P2RY10: variants seen among roughly 807,000 people sequenced by gnomAD.
The protein encoded by P2RY10 is putative P2Y purinoceptor 10.
Under a neutral mutation model 12.1 loss-of-function variants are expected in P2RY10, and 4 were observed. That is an observed-to-expected ratio of 0.33 (90% confidence interval 0.16 to 0.76). The LOEUF (loss-of-function observed/expected upper bound fraction) is 0.76. Among genes scored for constraint, P2RY10 ranks in the 30% least tolerant of loss-of-function variants. P2RY10 has a pLI of 0.61. For synonymous variants in P2RY10, 112 were observed against 94.1 expected (o/e 1.19, Z -1.10); for missense variants, 233 against 264.6 (o/e 0.88, Z 0.83).
At chrX:78,948,096 C>T (rs1164894021) in intron 2 of P2RY10, among the ~76,000 whole-genome samples, 1 of 112,127 alleles carries the variant, frequency 8.9e-6, no homozygotes, top group African/African-American at 3.2e-5. Flanking sequence ...TGACATTTTC[C>T]AAGTACTAAG....
rs1335826280 is a variant in P2RY10, at chrX:78,963,631, C to G, written c.*2091C>G. Among the ~76,000 whole-genome samples, 1 of 112,172 alleles carries G rather than the reference C, an allele frequency of 8.9e-6. No homozygotes were observed. The highest frequency in any genetic ancestry group is 1.9e-5 in the Non-Finnish European group (1 of 53,189). On this transcript the variant is annotated 3_prime_UTR_variant, in exon 4 of 4. Coordinates refer to ENST00000171757, the MANE Select transcript of P2RY10 (RefSeq NM_014499.4). ...ACAACATGCTTTTTATTTTGACTAC[C>G]ATTTAAGTGGAATCTTTGAACTTTT...
At chrX:78,947,087 C>A (rs963365690) in intron 1 of P2RY10, among the ~76,000 whole-genome samples, 1 of 110,367 alleles carries the variant, frequency 9.1e-6, no homozygotes, top group Non-Finnish European at 1.9e-5. Flanking sequence ...CAGTGGCAGG[C>A]GCCTGTAATC....
At position 78,961,832 on chromosome X, in the gene P2RY10, C is replaced by T. The variant is rs186159911; in HGVS notation, c.*292C>T. 1.7e-4 allele frequency: 37 copies of T among 218,161 alleles called. No homozygotes were observed. Among genetic ancestry groups the T allele is most frequent in the African/African-American group, 1.0e-3 (34 of 33,934 alleles). The allele number at this position is 218,161 out of a possible 1,213,427, so 18.0% of individuals were successfully genotyped here. On this transcript the variant is annotated 3_prime_UTR_variant, in exon 4 of 4. Transcript: ENST00000171757. ...ATGTAAATAAAAGTTGAATAGTTTACCTTAAATTTTTTTCAATAAGTAAGT... is the reference window on the plus strand; with the variant it reads ...ATGTAAATAAAAGTTGAATAGTTTATCTTAAATTTTTTTCAATAAGTAAGT...
intron 3 of P2RY10, among the ~76,000 whole-genome samples, chrX:78,955,642 T>C (rs1922302392): frequency 8.9e-6 from 1 of 112,307 alleles, no homozygotes; most frequent in Non-Finnish European, 1.9e-5. Flanking sequence ...GAGAAAAGCA[T>C]AGAATGGGGA....
At chrX:78,952,682 G>T (rs1416027454) in intron 3 of P2RY10, among the ~76,000 whole-genome samples, 1 of 111,626 alleles carries the variant, frequency 9.0e-6, no homozygotes, top group Non-Finnish European at 1.9e-5. Flanking sequence ...CAATGAAAGA[G>T]AATCCTGAGG....
At chrX:78,949,717 C>T (rs916487932) in intron 2 of P2RY10, among the ~76,000 whole-genome samples, 13 of 112,175 alleles carry the variant, frequency 1.2e-4, no homozygotes, top group Non-Finnish European at 1.1e-4. Flanking sequence ...CTTCCTCTAA[C>T]AGAAGAAAAT....
In P2RY10 at chrX:78,962,575, T is replaced by G. The variant is rs917563269; in HGVS notation, c.*1035T>G. The stretch of plus-strand genomic sequence containing the variant: ...TTTCAACATGGTTTGCCTGGAATTC[T>G]CCAAAAAACCTGTGGGTTGTGGGTT... On this transcript the variant is annotated 3_prime_UTR_variant, in exon 4 of 4. Transcript: ENST00000171757. 5.4e-5 allele frequency among the ~76,000 whole-genome samples: 6 copies of G among 112,023 alleles called. No homozygotes were observed. Among genetic ancestry groups the G allele is most frequent in the African/African-American group, 1.9e-4 (6 of 30,792 alleles).
In P2RY10 at chrX:78,963,619, TATTTTGACTACC is replaced by T. The variant is rs1922741037; in HGVS notation, c.*2084_*2095del. Reference sequence around the variant, plus strand: ...TTGGCAAATTAAACAACATGCTTTTTATTTTGACTACCATTTAAGTGGAATCTTTGAACTTTT... The same window carrying T: ...TTGGCAAATTAAACAACATGCTTTTTATTTAAGTGGAATCTTTGAACTTTT... On this transcript the variant is annotated 3_prime_UTR_variant, in exon 4 of 4. Transcript: ENST00000171757. Among the ~76,000 whole-genome samples, 1 of 112,866 alleles carries T rather than the reference TATTTTGACTACC, an allele frequency of 8.9e-6. No individual in the cohort carries two copies. The highest frequency in any genetic ancestry group is 2.8e-4 in the East Asian group (1 of 3,627).
Position 78,963,599 on chromosome X carries a change from A to G in P2RY10, c.*2059A>G, listed in dbSNP as rs1922740196. On this transcript the variant is annotated 3_prime_UTR_variant, in exon 4 of 4. Coordinates refer to ENST00000171757, the MANE Select transcript of P2RY10 (RefSeq NM_014499.4). The stretch of plus-strand genomic sequence containing the variant: ...GCACAGGATTTATGGAATAGTTGGC[A>G]AATTAAACAACATGCTTTTTATTTT... Among the ~76,000 whole-genome samples the G allele has an allele frequency of 8.9e-6, 1 of 112,864 alleles. No homozygotes were observed.
intron 1 of P2RY10, among the ~76,000 whole-genome samples, 177 bp downstream of exon 1, chrX:78,945,672 A>T (rs1416505811): frequency 2.7e-5 from 3 of 111,870 alleles, no homozygotes; most frequent in Non-Finnish European, 3.8e-5. Context: ...GTTTGACCAG[A>T]GTCCAAAGTT....
At chrX:78,946,932 C>T (rs1921865760) in intron 1 of P2RY10, among the ~76,000 whole-genome samples, 1 of 111,945 alleles carries the variant, frequency 8.9e-6, no homozygotes, top group Non-Finnish European at 1.9e-5. Flanking sequence ...ACAGGCCAGC[C>T]TGCTGGGCTT....
rs181238057 is a variant in P2RY10, at chrX:78,952,246, C to A, written c.-103C>A. ...CAGGATTTGGCACTCACCAACATAC[C>A]CTTCTTTCAAGTGAAAAGGCATCTC... On this transcript the variant is annotated 5_prime_UTR_variant, in exon 3 of 4. Coordinates refer to ENST00000171757, the MANE Select transcript of P2RY10 (RefSeq NM_014499.4). The A allele has an allele frequency of 1.6e-5, 12 of 744,999 alleles. No homozygotes were observed. Among genetic ancestry groups the A allele is most frequent in the Non-Finnish European group, 1.9e-5 (12 of 632,321 alleles). The allele number at this position is 744,999 out of a possible 1,213,427, so 61.4% of individuals were successfully genotyped here.
chrX:78,961,809 G>T lies in P2RY10; in HGVS notation c.*269G>T, dbSNP rs1429183581. The T allele has an allele frequency of 3.9e-6, 1 of 255,204 alleles. No individual in the cohort carries two copies. Among genetic ancestry groups the T allele is most frequent in the Non-Finnish European group, 7.2e-6 (1 of 138,917 alleles). The allele number at this position is 255,204 out of a possible 1,213,427, so 21.0% of individuals were successfully genotyped here. Reference sequence around the variant, plus strand: ...AAACCTAGATCAAGTTTTTACAGATGTAAATAAAAGTTGAATAGTTTACCT... The same window carrying T: ...AAACCTAGATCAAGTTTTTACAGATTTAAATAAAAGTTGAATAGTTTACCT... On this transcript the variant is annotated 3_prime_UTR_variant, in exon 4 of 4. Coordinates refer to ENST00000171757, the MANE Select transcript of P2RY10 (RefSeq NM_014499.4).
chrX:78,952,381 G>T, intron 3 of P2RY10, 46 bp downstream of exon 3: 3 of 690,953 alleles, frequency 4.3e-6, no homozygotes, highest in Non-Finnish European at 5.2e-6. Context: ...GGAGGCACTG[G>T]GAATTCTATT....
chrX:78,949,121 T>C (rs1921985867), intron 2 of P2RY10, among the ~76,000 whole-genome samples: 1 of 112,034 alleles, frequency 8.9e-6, no homozygotes, highest in Admixed American at 9.5e-5. Context: ...TGGTTTTAAT[T>C]TGCATTTCTC....
At chrX:78,953,919 T>C (rs374905646) in intron 3 of P2RY10, among the ~76,000 whole-genome samples, 1 of 111,910 alleles carries the variant, frequency 8.9e-6, no homozygotes, top group Admixed American at 9.4e-5. Flanking sequence ...GGCTGGAGTG[T>C]AGTGGTGCAA....
chrX:78,954,868 C>T (rs1207197413), intron 3 of P2RY10, among the ~76,000 whole-genome samples: 1 of 111,620 alleles, frequency 9.0e-6, no homozygotes, highest in Non-Finnish European at 1.9e-5. Context: ...AAGAGATCAA[C>T]TTGACCTCAC....
At chrX:78,953,931 C>G (rs1226170418) in intron 3 of P2RY10, among the ~76,000 whole-genome samples, 5 of 112,019 alleles carry the variant, frequency 4.5e-5, no homozygotes, top group Non-Finnish European at 3.8e-5. Flanking sequence ...GTGGTGCAAT[C>G]TCAACTCACT....
chrX:78,952,073 T>A, intron 2 of P2RY10, 120 bp from the exon 3 acceptor site: 1 of 234,881 alleles, frequency 4.3e-6, no homozygotes, highest in Non-Finnish European at 6.0e-6. Flanking sequence ...ACTCCATCCA[T>A]GTCCCTGCAA....
Sources: allele counts gnomAD v4.1 joint callset (sites outside exome capture counted in the v4.1 genomes callset), GRCh38; gene constraint gnomAD v4.1.1; transcripts MANE v1.5; gene names NCBI Gene and HGNC (gene_info 2026-07-23, HGNC 2026-07-21).